MTA3: variants seen among roughly 807,000 people sequenced by gnomAD.
MTA3 encodes the protein metastasis associated 1 family member 3.
In MTA3, 34 loss-of-function variants were observed where a neutral mutation model predicts 83.5. That is an observed-to-expected ratio of 0.41 (90% CI 0.31 to 0.54). The LOEUF is 0.54. Among genes scored for constraint, MTA3 ranks in the 20% least tolerant of loss-of-function variants. The pLI is 0.33. For synonymous variants in MTA3, 303 were observed against 252.7 expected (o/e 1.20, Z -1.89); for missense variants, 761 against 726.4 (o/e 1.05, Z -0.55).
chr2:42,722,961 T>G lies in MTA3; in HGVS notation c.1685T>G (p.Met562Arg), dbSNP rs1476540274. 9.0e-6 allele frequency: 14 copies of G among 1,551,204 alleles called. No homozygotes were observed. Among genetic ancestry groups the G allele is most frequent in the Non-Finnish European group, 1.2e-5 (14 of 1,147,136 alleles). Residue 562 changes from methionine (M) to arginine (R), a missense_variant, in exon 16 of 17, where the codon ATG becomes AGG. Met to Arg is a moderately conservative substitution (Grantham distance 91). Transcript: ENST00000405094. ...PSLQTPTTKRMLTTPNHTSLS... is the reference protein window; with the variant it reads ...PSLQTPTTKRRLTTPNHTSLS... ...CTGCAAACCCCAACTACCAAGCGGA[T>G]GCTAACAACTCCAAATCACACATCT...
intron 9 of MTA3, among the ~76,000 whole-genome samples, chr2:42,691,025 C>T (rs1247699112): frequency 6.6e-6 from 1 of 151,974 alleles, no homozygotes; most frequent in East Asian, 1.9e-4. Flanking sequence ...TACAGGTACA[C>T]ACCACCATGC....
At chr2:42,580,477 C>T (rs10167004) in intron 3 of MTA3, among the ~76,000 whole-genome samples, 114,686 of 151,878 alleles carry the variant, frequency 0.76, 43,653 homozygotes, top group South Asian at 0.88. Flanking sequence ...GTTCAGGCGA[C>T]TCTCCTGCCT....
chr2:42,502,989 T>TAAAA (rs915166524), intron 2 of MTA3, among the ~76,000 whole-genome samples: 8 of 148,314 alleles, frequency 5.4e-5, no homozygotes, highest in Admixed American at 4.1e-4. Context: ...AATAAAACAT[T>TAAAA]AAAAAAAAAG....
At position 42,558,582 on chromosome 2, in the gene MTA3, GTC is replaced by G. The variant is rs577905476; in HGVS notation, c.-140-11852_-140-11851del. On this transcript the variant is annotated intron_variant, in intron 2 of 17. Coordinates refer to the MTA3 transcript ENST00000405592. ...AAATTTTTTTTTTTTTTGAGACAGA[GTC>G]TCACTCTCTCACCAGGCTGGAGTGC... is the stretch of plus-strand genomic sequence containing the variant. Among the ~76,000 whole-genome samples the G allele has an allele frequency of 4.1e-5, 6 of 145,986 alleles. No homozygotes were observed. In the South Asian group the frequency reaches 1.3e-3, roughly 32 times the overall value.
At chr2:42,723,693 A>G (rs1667599336) in intron 16 of MTA3, among the ~76,000 whole-genome samples, 1 of 152,178 alleles carries the variant, frequency 6.6e-6, no homozygotes, top group Non-Finnish European at 1.5e-5. Context: ...CAGGCAGTAT[A>G]TGTTCTTCAT....
Position 42,708,812 on chromosome 2 carries a change from A to T in MTA3, c.1303-62A>T, listed in dbSNP as rs1666337112. ...TGCACTTTTCTTTTGAGCATGATGC[A>T]AACAGTAACGTGTTTGGGCAAGTTC... is the stretch of plus-strand genomic sequence containing the variant. On this transcript the variant is annotated intron_variant, in intron 13 of 16. Coordinates refer to ENST00000405094, the MANE Select transcript of MTA3 (RefSeq NM_001330442.2). 4.5e-6 allele frequency: 7 copies of T among 1,560,430 alleles called. No individual in the cohort carries two copies. In the East Asian group the frequency reaches 1.6e-4, roughly 35 times the overall value.
At chr2:42,549,503 T>C (rs1344731985) in intron 2 of MTA3, among the ~76,000 whole-genome samples, 1 of 98,284 alleles carries the variant, frequency 1.0e-5, no homozygotes, top group Non-Finnish European at 1.8e-5. Context: ...TATTATATCA[T>C]ATATAATATA....
chr2:42,535,716 G>A (rs1431499125), intron 2 of MTA3, among the ~76,000 whole-genome samples: 3 of 142,162 alleles, frequency 2.1e-5, no homozygotes, highest in Non-Finnish European at 3.1e-5. Flanking sequence ...GAGAATGAAT[G>A]TTGGAGTAAG....
intron 13 of MTA3, 129 bp from the exon 14 acceptor site, chr2:42,708,745 C>A: frequency 1.1e-6 from 1 of 927,772 alleles, no homozygotes. Flanking sequence ...AGAGGTAGTG[C>A]ACCAAGTGAC....
intron 2 of MTA3, among the ~76,000 whole-genome samples, chr2:42,509,914 A>T (rs1674818406): frequency 6.6e-6 from 1 of 152,082 alleles, no homozygotes; most frequent in Non-Finnish European, 1.5e-5. Context: ...AACTTAGGAA[A>T]TCTAGGCTTT....
chr2:42,518,245 T>G (rs962886009), intron 2 of MTA3, among the ~76,000 whole-genome samples: 2 of 152,122 alleles, frequency 1.3e-5, no homozygotes, highest in African/African-American at 4.8e-5. Flanking sequence ...TATCTTGGCT[T>G]TAATACAATT....
At chr2:42,508,408 T>G (rs1238521367) in intron 2 of MTA3, among the ~76,000 whole-genome samples, 2 of 152,110 alleles carry the variant, frequency 1.3e-5, no homozygotes, top group East Asian at 3.9e-4. Context: ...CTCCACTCAT[T>G]GCAGCCTCAA....
At chr2:42,738,169 G>A (rs1424863510) in intron 16 of MTA3, among the ~76,000 whole-genome samples, 1 of 152,154 alleles carries the variant, frequency 6.6e-6, no homozygotes, top group Admixed American at 6.5e-5. Flanking sequence ...GGCTGAGGTG[G>A]GAGGGTGGAT....
At chr2:42,539,801 G>A (rs1676440232) in intron 2 of MTA3, among the ~76,000 whole-genome samples, 2 of 152,036 alleles carry the variant, frequency 1.3e-5, no homozygotes, top group East Asian at 3.9e-4. Context: ...TTGAACTCCT[G>A]GACTCAAGAG....
rs1211133796 is a variant in MTA3, at chr2:42,594,728, A to ATTTTTTT, written c.191-14720_191-14714dup. Reference sequence around the variant, plus strand: ...TACATATATATATATATATATATATATTTTTTTTTTTTTTTTGAGACAGAG... The same window carrying ATTTTTTT: ...TACATATATATATATATATATATATATTTTTTTTTTTTTTTTTTTTTTTGAGACAGAG... On this transcript the variant is annotated intron_variant, in intron 3 of 16. Transcript: ENST00000405094. 3.7e-3 allele frequency among the ~76,000 whole-genome samples: 89 copies of ATTTTTTT among 24,042 alleles called. 4 individuals carry two copies. Among genetic ancestry groups the ATTTTTTT allele is most frequent in the Middle Eastern group, 0.071 (1 of 14 alleles). 15.8% of individuals were successfully genotyped at this position (24,042 alleles called of 152,430 possible). A position where few individuals can be genotyped will look rare whatever the true frequency, so the allele number is the denominator to read the frequency against.
intron 4 of MTA3, 41 bp downstream of exon 4, chr2:42,609,625 G>A (rs770475167): frequency 1.3e-6 from 2 of 1,535,110 alleles, no homozygotes; most frequent in Non-Finnish European, 1.8e-6. Context: ...GTACTACGGT[G>A]ACCAAAAAAC....
At chr2:42,662,558 G>C (rs1192745885) in intron 8 of MTA3, among the ~76,000 whole-genome samples, 2 of 151,354 alleles carry the variant, frequency 1.3e-5, no homozygotes, top group Non-Finnish European at 3.0e-5. Context: ...GATATACTTA[G>C]GCCTGTTTAT....
At chr2:42,618,666 G>A (rs1167527417) in intron 4 of MTA3, among the ~76,000 whole-genome samples, 1 of 152,048 alleles carries the variant, frequency 6.6e-6, no homozygotes, top group Non-Finnish European at 1.5e-5. Context: ...AGAGTGCAGT[G>A]GCGTGAACAT....
At chr2:42,559,174 A>G (rs1261019436) in intron 2 of MTA3, among the ~76,000 whole-genome samples, 1 of 152,134 alleles carries the variant, frequency 6.6e-6, no homozygotes, top group African/African-American at 2.4e-5. Context: ...TAATATTTCC[A>G]AACACATGTC....
Sources: allele counts gnomAD v4.1 joint callset (sites outside exome capture counted in the v4.1 genomes callset), GRCh38; gene constraint gnomAD v4.1.1; transcripts MANE v1.5; gene names NCBI Gene and HGNC (gene_info 2026-07-23, HGNC 2026-07-21).